Variants in MECOM observed in about 807,000 individuals in gnomAD.
MECOM encodes the protein MDS1 and EVI1 complex locus, also known as histone-lysine N-methyltransferase MECOM.
MECOM carries 13 observed loss-of-function variants against 116.3 expected under a neutral mutation model. The ratio of observed to expected loss-of-function variants is 0.11; its 90% confidence interval spans 0.07 to 0.18. The LOEUF is 0.18. Ranked by LOEUF, MECOM falls within the 10% of genes least tolerant of loss-of-function variation. The pLI is 1.00. For missense variants in MECOM, 1,299 were observed against 1,509.0 expected (o/e 0.86, Z 2.31); for synonymous variants, 528 against 535.2 (o/e 0.99, Z 0.19).
chr3:169,296,682 T>C (rs1174500745), intron 2 of MECOM, among the ~76,000 whole-genome samples: 2 of 152,090 alleles, frequency 1.3e-5, no homozygotes, highest in African/African-American at 4.8e-5. Context: ...ATTATAGTAA[T>C]AAAGGAGTGA....
At chr3:169,242,922 A>G (rs1057017226) in intron 2 of MECOM, among the ~76,000 whole-genome samples, 2 of 150,396 alleles carry the variant, frequency 1.3e-5, no homozygotes, top group Admixed American at 1.3e-4. Context: ...GTCCCCTCAC[A>G]TAGTATTCCC....
intron 2 of MECOM, among the ~76,000 whole-genome samples, chr3:169,190,772 G>T (rs1158517221): frequency 6.6e-6 from 1 of 151,970 alleles, no homozygotes; most frequent in Non-Finnish European, 1.5e-5. Flanking sequence ...GAGAAGTTTG[G>T]AATAGATTGT....
chr3:169,395,021 G>A (rs1446615487), intron 1 of MECOM, among the ~76,000 whole-genome samples: 1 of 152,170 alleles, frequency 6.6e-6, no homozygotes, highest in Non-Finnish European at 1.5e-5. Context: ...CCAAGAAACA[G>A]CATTATATAC....
chr3:169,507,982 G>A (rs1458294632), intron 1 of MECOM, among the ~76,000 whole-genome samples: 1 of 152,044 alleles, frequency 6.6e-6, no homozygotes, highest in East Asian at 1.9e-4. Context: ...TTCTTAATAC[G>A]TAACCATGAG....
At chr3:169,130,535 T>C (rs1734351722) in intron 4 of MECOM, among the ~76,000 whole-genome samples, 1 of 134,550 alleles carries the variant, frequency 7.4e-6, no homozygotes, top group Admixed American at 8.9e-5. Context: ...CAGAATGCAG[T>C]CCAAAGGAAA....
At chr3:169,657,346 A>T (rs80350891) in intron 1 of MECOM, among the ~76,000 whole-genome samples, 5 of 152,370 alleles carry the variant, frequency 3.3e-5, no homozygotes, top group African/African-American at 4.8e-5. Context: ...TTCACAATAC[A>T]TACAAATTGT....
intron 2 of MECOM, among the ~76,000 whole-genome samples, chr3:169,274,917 G>C (rs1213378805): frequency 6.6e-6 from 1 of 151,910 alleles, no homozygotes; most frequent in Non-Finnish European, 1.5e-5. Flanking sequence ...AAAATAAAAG[G>C]CATCACTCCA....
At chr3:169,401,520 A>T (rs1044634676) in intron 1 of MECOM, among the ~76,000 whole-genome samples, 1 of 152,214 alleles carries the variant, frequency 6.6e-6, no homozygotes, top group Non-Finnish European at 1.5e-5. Context: ...TAGAGAAGGA[A>T]GACATGCAAA....
At chr3:169,280,469 G>T (rs777035796) in intron 2 of MECOM, among the ~76,000 whole-genome samples, 83 of 151,996 alleles carry the variant, frequency 5.5e-4, no homozygotes, top group Middle Eastern at 3.4e-3. Flanking sequence ...AAAAACTTTT[G>T]TCACTAGATC....
chr3:169,281,805 G>T (rs1712089532), intron 2 of MECOM, among the ~76,000 whole-genome samples: 1 of 151,932 alleles, frequency 6.6e-6, no homozygotes, highest in Admixed American at 6.6e-5. Flanking sequence ...ATGAGATCCT[G>T]TCTCAAAAAA....
intron 2 of MECOM, among the ~76,000 whole-genome samples, chr3:169,152,167 CCA>C (rs1741264463): frequency 6.6e-6 from 1 of 151,822 alleles, no homozygotes; most frequent in Non-Finnish European, 1.5e-5. Flanking sequence ...GTCCGTAGCC[CCA>C]CACACATATC....
At chr3:169,123,208 G>A (rs1388511179) in intron 5 of MECOM, among the ~76,000 whole-genome samples, 2 of 151,274 alleles carry the variant, frequency 1.3e-5, no homozygotes, top group East Asian at 3.9e-4. Context: ...AACAGAAAAT[G>A]CTTAAAAGTA....
At chr3:169,269,967 G>GGTGTGT (rs72249209) in intron 2 of MECOM, among the ~76,000 whole-genome samples, 6 of 149,116 alleles carry the variant, frequency 4.0e-5, no homozygotes, top group African/African-American at 9.8e-5. Context: ...CGTATATAAA[G>GGTGTGT]GTGTGTGTGT....
chr3:169,353,606 A>G (rs1319975932), intron 2 of MECOM, among the ~76,000 whole-genome samples: 1 of 151,904 alleles, frequency 6.6e-6, no homozygotes, highest in East Asian at 1.9e-4. Flanking sequence ...CAGTAGTGTT[A>G]TAACATCAAC....
chr3:169,109,040 A>G (rs933581619), intron 9 of MECOM, among the ~76,000 whole-genome samples: 2 of 152,226 alleles, frequency 1.3e-5, no homozygotes, highest in Non-Finnish European at 2.9e-5. Context: ...CAATAGTGTA[A>G]TTGCAAAATG....
intron 1 of MECOM, among the ~76,000 whole-genome samples, chr3:169,607,514 C>G (rs1056604577): frequency 6.6e-6 from 1 of 152,170 alleles, no homozygotes; most frequent in Non-Finnish European, 1.5e-5. Context: ...TTTCTCCTAC[C>G]ACTATAAAAC....
chr3:169,454,097 T>A (rs1053601721), intron 1 of MECOM, among the ~76,000 whole-genome samples: 1 of 152,134 alleles, frequency 6.6e-6, no homozygotes, highest in African/African-American at 2.4e-5. Context: ...GAAAGGCTCA[T>A]GAGGAATAAT....
intron 1 of MECOM, among the ~76,000 whole-genome samples, chr3:169,391,746 G>A (rs899095425): frequency 6.6e-6 from 1 of 152,150 alleles, no homozygotes; most frequent in Non-Finnish European, 1.5e-5. Context: ...TTAAGGGAAT[G>A]ATATAATATG....
At chr3:169,183,846 AT>A (rs1194943311) in intron 2 of MECOM, among the ~76,000 whole-genome samples, 1 of 147,122 alleles carries the variant, frequency 6.8e-6, no homozygotes, top group Non-Finnish European at 1.5e-5. Flanking sequence ...ACACATACAT[AT>A]TTTTTTCTTT....
Sources: allele counts gnomAD v4.1 joint callset (sites outside exome capture counted in the v4.1 genomes callset), GRCh38; gene constraint gnomAD v4.1.1; transcripts MANE v1.5; gene names NCBI Gene and HGNC (gene_info 2026-07-23, HGNC 2026-07-21).